The following ERCC8 variants were observed in gnomAD, a reference collection of about 807,000 sequenced individuals.
ERCC8 encodes the protein ERCC excision repair 8, CSA ubiquitin ligase complex subunit.
A neutral mutation model predicts 54.9 loss-of-function variants in ERCC8; 52 were observed. The observed-to-expected ratio is 0.95, with a 90% CI of 0.76 to 1.19. ERCC8 has a LOEUF of 1.19. Among genes scored for constraint, ERCC8 ranks in the 50% most tolerant of loss-of-function variants. ERCC8 has a pLI of 0.00. For synonymous variants in ERCC8, 146 were observed against 157.2 expected, an observed-to-expected ratio of 0.93 and a Z score of 0.53; for missense variants, 514 against 466.1, an observed-to-expected ratio of 1.10 and a Z score of -0.95.
At chr5:60,924,158 G>C (rs577781756) in intron 2 of ERCC8, 2 of 152,222 alleles carry the variant, frequency 1.3e-5, no homozygotes, top group Admixed American at 1.3e-4. Context: ...GCATTCATGT[G>C]CTATAATTTA....
At chr5:60,896,384 G>T (rs1276904774) in intron 9 of ERCC8, among the ~76,000 whole-genome samples, 1 of 151,500 alleles carries the variant, frequency 6.6e-6, no homozygotes, top group African/African-American at 2.4e-5. Flanking sequence ...CTAATTTTTT[G>T]TATTTTTAGT....
Position 60,872,252 on chromosome 5 carries a change from T to G in ERCC8, c.*2363A>C, listed in dbSNP as rs1424330223. ...CCATGACATTGGTCTGGGCAATGAT[T>G]TTTTTGGATACGATCTCAAAAGCAC... On this transcript the variant is annotated 3_prime_UTR_variant, in exon 12 of 12. Transcript: ENST00000676185. Among the ~76,000 whole-genome samples the G allele has an allele frequency of 6.6e-6, 1 of 152,200 alleles. No homozygotes were observed. The highest frequency in any genetic ancestry group is 1.5e-5 in the Non-Finnish European group (1 of 68,040).
In ERCC8 at chr5:60,898,260, C is replaced by T; in HGVS notation, c.843+16G>A. ...TTCTTAATTTATACCCAAATATATACTTAAAAATCTCTTACAAGTGTGTTT... is the reference window on the plus strand; with the variant it reads ...TTCTTAATTTATACCCAAATATATATTTAAAAATCTCTTACAAGTGTGTTT... On this transcript the variant is annotated intron_variant, in intron 9 of 11. Coordinates refer to ENST00000676185, the MANE Select transcript of ERCC8 (RefSeq NM_000082.4). 6.2e-7 allele frequency: 1 copy of T among 1,611,972 alleles called. No individual in the cohort carries two copies.
chr5:60,875,987 CATTTAACA>C (rs1187501636), intron 11 of ERCC8, among the ~76,000 whole-genome samples: 1 of 152,030 alleles, frequency 6.6e-6, no homozygotes, highest in Admixed American at 6.6e-5. Flanking sequence ...GTGCTGCACC[CATTTAACA>C]TTAGGTATAT....
chr5:60,887,667 T>C (rs1166203279), intron 10 of ERCC8, 147 bp from the exon 11 acceptor site: 5 of 678,904 alleles, frequency 7.4e-6, no homozygotes, highest in Non-Finnish European at 1.3e-5. Flanking sequence ...ATGCTGTTTT[T>C]CCTTTGTTTC....
At chr5:60,876,478 T>A (rs1272752505) in intron 11 of ERCC8, among the ~76,000 whole-genome samples, 4 of 152,240 alleles carry the variant, frequency 2.6e-5, no homozygotes, top group Non-Finnish European at 5.9e-5. Flanking sequence ...ATGGTTGAAC[T>A]AGTTGACAGT....
chr5:60,934,660 T>C (rs1385971481), intron 1 of ERCC8, among the ~76,000 whole-genome samples: 1 of 152,252 alleles, frequency 6.6e-6, no homozygotes, highest in Admixed American at 6.5e-5. Context: ...TAGAAGGGTT[T>C]TATCAATGTT....
In ERCC8 at chr5:60,918,392, C is replaced by T. The variant is rs1749502872; in HGVS notation, c.276-4G>A. On this transcript the variant is annotated splice_polypyrimidine_tract_variant and splice_region_variant and intron_variant, in intron 3 of 11. Coordinates refer to ENST00000676185, the MANE Select transcript of ERCC8 (RefSeq NM_000082.4). ...TCTGTGAACATCAGGATGATCTCTA[C>T]AAAACAGCAATCAAAATTTACATTA... 6.8e-6 allele frequency: 11 copies of T among 1,609,100 alleles called. No individual in the cohort carries two copies. Among genetic ancestry groups the T allele is most frequent in the Middle Eastern group, 1.7e-4 (1 of 6,036 alleles).
At chr5:60,891,575 G>T (rs993531114) in intron 9 of ERCC8, among the ~76,000 whole-genome samples, 1 of 150,486 alleles carries the variant, frequency 6.6e-6, no homozygotes, top group African/African-American at 2.4e-5. Context: ...AATTTTTTTT[G>T]GGGCTAATAC....
chr5:60,874,493 G>T lies in ERCC8; in HGVS notation c.*122C>A. On this transcript the variant is annotated 3_prime_UTR_variant, in exon 12 of 12. Coordinates refer to ENST00000676185, the MANE Select transcript of ERCC8 (RefSeq NM_000082.4). ...AAATATTAACCTCATTTTAAAACAT[G>T]AGGAAAAATATTACCCACATTTAGG... The T allele has an allele frequency of 1.2e-6, 1 of 802,766 alleles. No homozygotes were observed. The allele number at this position is 802,766 out of a possible 1,614,324, so 49.7% of individuals were successfully genotyped here.
intron 7 of ERCC8, among the ~76,000 whole-genome samples, chr5:60,902,183 A>G (rs1308418474): frequency 6.6e-6 from 1 of 152,112 alleles, no homozygotes; most frequent in East Asian, 1.9e-4. Context: ...ACTGTGTTAT[A>G]CATTTGTGTG....
In ERCC8 at chr5:60,899,703, C is replaced by T. The variant is rs1748819276; in HGVS notation, c.642G>A (p.Trp214Ter). ...AACATCCTGATGCTCTTCTCACATCCCATAATTTTACTCTACTGTCAGCAC... is the reference window on the plus strand; with the variant it reads ...AACATCCTGATGCTCTTCTCACATCTCATAATTTTACTCTACTGTCAGCAC... ...TASADSRVKL[W>*]DVRRASGCLI... The change falls in exon 8 of 12, where the codon TGG becomes TGA. Residue 214 changes from tryptophan to a stop codon, truncating the protein, a stop_gained. Coordinates refer to ENST00000676185, the MANE Select transcript of ERCC8 (RefSeq NM_000082.4). LOFTEE classifies it high-confidence loss of function. The T allele has an allele frequency of 6.2e-7, 1 of 1,611,876 alleles. No individual in the cohort carries two copies. The highest frequency in any genetic ancestry group is 8.5e-7 in the Non-Finnish European group (1 of 1,178,606).
chr5:60,915,219 T>G (rs900015702), intron 4 of ERCC8: 1 of 152,100 alleles, frequency 6.6e-6, no homozygotes, highest in Non-Finnish European at 1.5e-5. Context: ...GATGTCAGTC[T>G]TCTTCTATTG....
At chr5:60,907,741 G>A (rs1246588925) in intron 4 of ERCC8, among the ~76,000 whole-genome samples, 3 of 151,832 alleles carry the variant, frequency 2.0e-5, no homozygotes, top group Non-Finnish European at 4.4e-5. Flanking sequence ...TCTTAACACC[G>A]CTTCCCTAAG....
intron 9 of ERCC8, chr5:60,893,465 T>C: frequency 6.3e-6 from 6 of 959,066 alleles, no homozygotes; most frequent in Non-Finnish European, 1.0e-5. Context: ...GTGAACAAAC[T>C]GAGGAGCAGA....
chr5:60,928,747 T>C, intron 2 of ERCC8, 117 bp downstream of exon 2: 1 of 631,636 alleles, frequency 1.6e-6, no homozygotes, highest in Non-Finnish European at 2.8e-6. Context: ...TCAAAAATGC[T>C]ACAATTTAGG....
rs1313613862 is a variant in ERCC8 at position 60,938,082 on chromosome 5, TATATTTTA to T, written c.77+6842_77+6849del. 0.019 allele frequency among the ~76,000 whole-genome samples: 444 copies of T among 23,082 alleles called. 1 individual carries two copies. In the East Asian group the frequency reaches 0.27, roughly 14 times the overall value. 15.1% of individuals were successfully genotyped at this position (23,082 alleles called of 152,430 possible). A position where few individuals can be genotyped will look rare whatever the true frequency, so the allele number is the denominator to read the frequency against. ...ATATATATATATATATATATATATA[TATATTTTA>T]TTTTTTTTTTTTTTAGGTTACGAAG... is the stretch of plus-strand genomic sequence containing the variant. On this transcript the variant is annotated intron_variant, in intron 1 of 11. Coordinates refer to ENST00000676185, the MANE Select transcript of ERCC8 (RefSeq NM_000082.4).
intron 4 of ERCC8, among the ~76,000 whole-genome samples, chr5:60,912,437 AT>A (rs1749296997): frequency 1.3e-5 from 2 of 151,964 alleles, no homozygotes; most frequent in South Asian, 4.2e-4. Context: ...TTGCATGTTG[AT>A]TTTGTATCCT....
intron 2 of ERCC8, among the ~76,000 whole-genome samples, chr5:60,925,518 C>A (rs2112527582): frequency 6.6e-6 from 1 of 152,310 alleles, no homozygotes; most frequent in Admixed American, 6.5e-5. Context: ...CCAGTTTGAG[C>A]TGCTGTAGTC....
Sources: gnomAD v4.1 joint callset for allele counts (sites outside exome capture counted in the v4.1 genomes callset) on GRCh38, gnomAD v4.1.1 for gene constraint, MANE v1.5 for transcripts, NCBI Gene and HGNC (gene_info 2026-07-23, HGNC 2026-07-21) for gene names.